The following GRK3 variants were observed in gnomAD, a reference collection of about 807,000 sequenced individuals.
GRK3 encodes the protein G protein-coupled receptor kinase 3.
GRK3 carries 54 observed loss-of-function variants against 95.7 expected under a neutral mutation model. The ratio of observed to expected loss-of-function variants is 0.56; its 90% CI spans 0.45 to 0.71. GRK3 has a LOEUF of 0.71. Ranked by LOEUF, GRK3 falls within the 30% of genes least tolerant of loss-of-function variation. GRK3 has a pLI of 0.00. For missense variants in GRK3, 649 were observed against 851.2 expected (o/e 0.76, Z 2.96); for synonymous variants, 281 against 290.8 (o/e 0.97, Z 0.34).
At chr22:25,581,029 C>T (rs546186817) in intron 1 of GRK3, 1 of 152,240 alleles carries the variant, frequency 6.6e-6, no homozygotes, top group South Asian at 2.1e-4. Context: ...GTGGGAGGAT[C>T]ACTTGAACCC....
chr22:25,567,397 A>G (rs1243947594), intron 1 of GRK3, among the ~76,000 whole-genome samples: 1 of 152,224 alleles, frequency 6.6e-6, no homozygotes, highest in Non-Finnish European at 1.5e-5. Flanking sequence ...AACATCTTGC[A>G]AAATTCTCTC....
chr22:25,670,347 A>G (rs908236303), intron 6 of GRK3, among the ~76,000 whole-genome samples: 2 of 152,070 alleles, frequency 1.3e-5, no homozygotes, highest in African/African-American at 4.8e-5. Context: ...AAAAATTAAA[A>G]ACTAATAGCT....
At chr22:25,632,671 T>C (rs2084672218) in intron 2 of GRK3, among the ~76,000 whole-genome samples, 1 of 152,194 alleles carries the variant, frequency 6.6e-6, no homozygotes, top group Non-Finnish European at 1.5e-5. Flanking sequence ...AATTCTATTA[T>C]CCATTTTGAG....
intron 3 of GRK3, among the ~76,000 whole-genome samples, chr22:25,652,030 A>C (rs527731904): frequency 2.0e-5 from 3 of 152,344 alleles, no homozygotes; most frequent in South Asian, 2.1e-4. Context: ...AAAAATTCTC[A>C]TTAAAAAATG....
rs115194673 is a variant in GRK3, at chr22:25,623,870, A to C, written c.190+19417A>C. Among the ~76,000 whole-genome samples the C allele has an allele frequency of 2.7e-3, 414 of 152,244 alleles. 2 individuals carry two copies. The highest frequency in any genetic ancestry group is 9.5e-3 in the African/African-American group (394 of 41,556). ...TAGTTCAGGACCTTCCTAACTGGCT[A>C]TCCTATATTAATTTTTTTCTTTCTC... On this transcript the variant is annotated intron_variant, in intron 2 of 20. Coordinates refer to ENST00000324198, the MANE Select transcript of GRK3 (RefSeq NM_005160.4).
intron 6 of GRK3, among the ~76,000 whole-genome samples, chr22:25,668,007 C>A (rs1452932223): frequency 6.6e-6 from 1 of 152,156 alleles, no homozygotes; most frequent in African/African-American, 2.4e-5. Flanking sequence ...ATCTCTTTGA[C>A]CTTCAATTTC....
intron 11 of GRK3, among the ~76,000 whole-genome samples, chr22:25,688,049 A>T (rs955820359): frequency 1.3e-5 from 2 of 152,138 alleles, no homozygotes; most frequent in Non-Finnish European, 1.5e-5. Context: ...ATCCTGGCTA[A>T]CACAGTGAAA....
intron 3 of GRK3, among the ~76,000 whole-genome samples, chr22:25,656,398 T>C (rs928447879): frequency 2.6e-5 from 4 of 152,182 alleles, no homozygotes; most frequent in Admixed American, 2.6e-4. Context: ...CTCCCTCTAG[T>C]CTTGAACTCC....
chr22:25,577,519 A>G (rs1931948044), intron 1 of GRK3, among the ~76,000 whole-genome samples: 1 of 152,184 alleles, frequency 6.6e-6, no homozygotes, highest in Admixed American at 6.5e-5. Flanking sequence ...TTAGCAGTTC[A>G]TTCTAAATTG....
At chr22:25,677,812 A>G (rs1323729372) in intron 8 of GRK3, among the ~76,000 whole-genome samples, 1 of 152,204 alleles carries the variant, frequency 6.6e-6, no homozygotes, top group African/African-American at 2.4e-5. Flanking sequence ...GTGTGAAAAC[A>G]CTTGCAAGAA....
chr22:25,597,497 A>G (rs965292635), intron 1 of GRK3, among the ~76,000 whole-genome samples: 18 of 152,186 alleles, frequency 1.2e-4, no homozygotes, highest in African/African-American at 4.3e-4. Context: ...GGGTATGCTA[A>G]TTACCCTGAT....
At chr22:25,661,256 G>T (rs1231108564) in intron 3 of GRK3, among the ~76,000 whole-genome samples, 1 of 152,150 alleles carries the variant, frequency 6.6e-6, no homozygotes, top group Non-Finnish European at 1.5e-5. Flanking sequence ...AGGAGAATTG[G>T]CAAGGATGCA....
rs1267753572 is a variant in GRK3, at chr22:25,564,752, C to T, written c.-289C>T. On this transcript the variant is annotated 5_prime_UTR_variant, in exon 1 of 21. Transcript: ENST00000324198. ...GGCGCTGACCGTTGGACGCGCGCTC[C>T]CCGCAGACCCTCGCTGAAGGAGCAG... 2 of 150,968 alleles carry T rather than the reference C, an allele frequency of 1.3e-5. No homozygotes were observed. The highest frequency in any genetic ancestry group is 3.0e-5 in the Non-Finnish European group (2 of 67,608). The allele number at this position is 150,968 out of a possible 1,614,324, so 9.4% of individuals were successfully genotyped here.
intron 2 of GRK3, among the ~76,000 whole-genome samples, chr22:25,637,966 C>T (rs994541834): frequency 2.6e-5 from 4 of 152,164 alleles, no homozygotes; most frequent in African/African-American, 7.2e-5. Context: ...AGCCCACCTA[C>T]GTTATGGGGA....
chr22:25,647,819 A>G, intron 3 of GRK3: 1 of 840,456 alleles, frequency 1.2e-6, no homozygotes, highest in Non-Finnish European at 2.1e-6. Context: ...TTAGGAAGAG[A>G]GAGTGAAATG....
In GRK3 at chr22:25,722,280, C is replaced by T. The variant is rs1391842980; in HGVS notation, c.1906-9C>T. On this transcript the variant is annotated splice_polypyrimidine_tract_variant and intron_variant, in intron 20 of 20. Transcript: ENST00000324198. ...CTGTCACAACGGCTGCCTTTGTATT[C>T]CCCCTCAGAGTGATCCAGAGTTTGT... 1 of 1,611,646 alleles carries T rather than the reference C, an allele frequency of 6.2e-7. No individual in the cohort carries two copies. Among genetic ancestry groups the T allele is most frequent in the Non-Finnish European group, 8.5e-7 (1 of 1,178,044 alleles).
In GRK3 at chr22:25,644,659, T is replaced by C. The variant is rs2084768088; in HGVS notation, c.258T>C (p.Tyr86=). ...INEAVPQVKF[Y]EEIKEYEKLD... ...AAGCTGTACCTCAGGTGAAGTTTTATGAAGAGGTAAGAAGTAACTGTTTTA... is the reference window on the plus strand; with the variant it reads ...AAGCTGTACCTCAGGTGAAGTTTTACGAAGAGGTAAGAAGTAACTGTTTTA... Residue 86 remains tyrosine, a synonymous_variant, in exon 3 of 21, where the codon TAT becomes TAC. Transcript: ENST00000324198. The C allele has an allele frequency of 1.3e-6, 2 of 1,545,534 alleles. No homozygotes were observed. Among genetic ancestry groups the C allele is most frequent in the Non-Finnish European group, 8.9e-7 (1 of 1,124,170 alleles).
intron 1 of GRK3, among the ~76,000 whole-genome samples, chr22:25,569,953 C>A (rs1046997875): frequency 6.6e-6 from 1 of 152,180 alleles, no homozygotes; most frequent in African/African-American, 2.4e-5. Flanking sequence ...GCAGGAGGGA[C>A]GCCCAGGTTT....
intron 2 of GRK3, among the ~76,000 whole-genome samples, chr22:25,623,944 G>A (rs1346469442): frequency 2.0e-5 from 3 of 152,060 alleles, no homozygotes; most frequent in African/African-American, 7.2e-5. Context: ...ATAGCCTCCG[G>A]CCAGGAGTCA....
Sources: gnomAD v4.1 joint callset for allele counts (sites outside exome capture counted in the v4.1 genomes callset) on GRCh38, gnomAD v4.1.1 for gene constraint, MANE v1.5 for transcripts, NCBI Gene and HGNC (gene_info 2026-07-23, HGNC 2026-07-21) for gene names.